The following ESPN variants were observed in gnomAD, a reference collection of about 807,000 sequenced individuals.
The protein encoded by ESPN is autosomal recessive deafness type 36 protein.
In ESPN, 68 loss-of-function variants were observed where a neutral mutation model predicts 77.7. The ratio of observed to expected loss-of-function variants is 0.87; its 90% CI spans 0.72 to 1.07. The LOEUF (loss-of-function observed/expected upper bound fraction) is 1.07. Among genes scored for constraint, ESPN ranks in the 50% least tolerant of loss-of-function variants. ESPN has a pLI of 0.00. For missense variants in ESPN, 1,060 were observed against 1,239.0 expected, an observed-to-expected ratio of 0.86 and a Z score of 2.17; for synonymous variants, 449 against 567.1, an observed-to-expected ratio of 0.79 and a Z score of 2.96.
rs79208864 is a variant in ESPN at position 6,434,063 on chromosome 1, C to T, written c.488+5644C>T. Among the ~76,000 whole-genome samples, 32 of 152,286 alleles carry T rather than the reference C, an allele frequency of 2.1e-4. No individual in the cohort carries two copies. The South Asian group carries it at 6.4e-3, about 31-fold the overall frequency. On this transcript the variant is annotated intron_variant, in intron 2 of 12. Coordinates refer to ENST00000645284, the MANE Select transcript of ESPN (RefSeq NM_031475.3). ...TTATAGGTGCATATGGCACCACACC[C>T]GGCTAATTTTTGTATTATTAGTAGA...
At chr1:6,441,383 C>T (rs1338573015) in intron 5 of ESPN, among the ~76,000 whole-genome samples, 2 of 152,214 alleles carry the variant, frequency 1.3e-5, no homozygotes, top group African/African-American at 4.8e-5. Context: ...TAACTCACAG[C>T]CACCCTCTGC....
rs147364106 is a variant in ESPN, at chr1:6,438,727, C to T, written c.489-1527C>T. ...GAGTCCCAGCCCCACCTGTGAGCCT[C>T]CTCAGCTGCAGCTGCACCATTGACT... is the stretch of plus-strand genomic sequence containing the variant. On this transcript the variant is annotated intron_variant, in intron 2 of 12. Transcript: ENST00000645284. Among the ~76,000 whole-genome samples, 1,099 of 152,386 alleles carry T rather than the reference C, an allele frequency of 7.2e-3. 14 individuals are homozygous for T. Among genetic ancestry groups the T allele is most frequent in the African/African-American group, 0.025 (1,048 of 41,596 alleles).
chr1:6,433,827 A>G (rs1643338568), intron 2 of ESPN, among the ~76,000 whole-genome samples: 1 of 152,108 alleles, frequency 6.6e-6, no homozygotes, highest in Non-Finnish European at 1.5e-5. Context: ...ACCTCACCTC[A>G]GCAAGGCCAA....
Position 6,445,953 on chromosome 1 carries a change from C to G in ESPN, c.1464+18C>G, listed in dbSNP as rs201919218. The G allele has an allele frequency of 1.2e-4, 198 of 1,612,184 alleles. No individual in the cohort carries two copies. Among genetic ancestry groups the G allele is most frequent in the Non-Finnish European group, 1.6e-4 (193 of 1,179,480 alleles). ...AGAAGGAGGTAGTGAGCCCTCACCC[C>G]CTGCCTGCCTCCCAGCAGGGGGACT... On this transcript the variant is annotated intron_variant, in intron 7 of 12. Coordinates refer to ENST00000645284, the MANE Select transcript of ESPN (RefSeq NM_031475.3).
chr1:6,453,601 G>T (rs1345399929), intron 10 of ESPN, among the ~76,000 whole-genome samples: 184 of 143,460 alleles, frequency 1.3e-3, no homozygotes, highest in Non-Finnish European at 1.9e-3. Flanking sequence ...GGGTCGCTGA[G>T]CTGGAGAGAC....
rs1159987259 is a variant in ESPN, at chr1:6,460,008, G to A, written c.2427G>A (p.Glu809=). The change falls in exon 13 of 13, where the codon GAG becomes GAA. Residue 809 remains glutamate, a synonymous_variant. Coordinates refer to ENST00000645284, the MANE Select transcript of ESPN (RefSeq NM_031475.3). The part of the protein sequence containing the change: ...EEEREQKRKE[E]ERQKQEELRR... ...CTCCCCACTGCCTCAGGAAAGAGGAGGAGCGACAGAAGCAGGAGGAGCTGC... is the reference window on the plus strand; with the variant it reads ...CTCCCCACTGCCTCAGGAAAGAGGAAGAGCGACAGAAGCAGGAGGAGCTGC... 1.2e-6 allele frequency: 2 copies of A among 1,613,550 alleles called. No homozygotes were observed. Among genetic ancestry groups the A allele is most frequent in the African/African-American group, 1.3e-5 (1 of 74,930 alleles).
At chr1:6,440,231 C>T (rs535112345) in intron 2 of ESPN, 23 bp from the exon 3 acceptor site, 2 of 1,545,980 alleles carry the variant, frequency 1.3e-6, no homozygotes, top group African/African-American at 1.4e-5. Context: ...TGAAAGCCCA[C>T]GGTGGGCGCT....
At chr1:6,426,715 G>A (rs957599122) in intron 1 of ESPN, among the ~76,000 whole-genome samples, 1 of 152,238 alleles carries the variant, frequency 6.6e-6, no homozygotes, top group African/African-American at 2.4e-5. Flanking sequence ...AAGGCCAATA[G>A]GAAGGGAGCG....
intron 2 of ESPN, 80 bp from the exon 3 acceptor site, chr1:6,440,174 G>T (rs1267219503): frequency 1.9e-5 from 28 of 1,445,742 alleles, no homozygotes; most frequent in Non-Finnish European, 2.6e-5. Flanking sequence ...AGGGCTCCCC[G>T]GGACGGGATG....
chr1:6,451,717 T>A lies in ESPN; in HGVS notation c.2030T>A (p.Val677Glu), dbSNP rs746532571. ...PTPQSKGLTTVFSGIGQPAFQ... is the reference protein window; with the variant it reads ...PTPQSKGLTTEFSGIGQPAFQ... ...CCCCAGAGCAAGGGGCTGACCACAG[T>A]GTTCTCAGGCATCGGGCAGCCGGCC... The change falls in exon 9 of 13, where the codon GTG becomes GAG. Residue 677 changes from valine (V) to glutamate (E), a missense_variant. Coordinates refer to ENST00000645284, the MANE Select transcript of ESPN (RefSeq NM_031475.3). This position sits in a 1 kb window ranked among gnomAD's most constrained non-coding sequence, Gnocchi z 4.3. The A allele has an allele frequency of 1.2e-6, 2 of 1,612,810 alleles. No homozygotes were observed. The highest frequency in any genetic ancestry group is 2.2e-5 in the East Asian group (1 of 44,864).
chr1:6,432,492 C>T lies in ESPN; in HGVS notation c.488+4073C>T, dbSNP rs141474574. Among the ~76,000 whole-genome samples the T allele has an allele frequency of 5.9e-5, 9 of 152,302 alleles. No individual in the cohort carries two copies. In the East Asian group the frequency reaches 1.5e-3, roughly 26 times the overall value. The stretch of plus-strand genomic sequence containing the variant: ...GGGCCTGGTGGAGTCCGGAGCAGCC[C>T]CTCACAGCAGGAGACCATCTCATGT... On this transcript the variant is annotated intron_variant, in intron 2 of 12. Transcript: ENST00000645284.
intron 2 of ESPN, among the ~76,000 whole-genome samples, chr1:6,436,205 G>A (rs1643432806): frequency 6.6e-6 from 1 of 152,088 alleles, no homozygotes; most frequent in African/African-American, 2.4e-5. Context: ...GGAGTCAGAA[G>A]CAGGCTCTGC....
chr1:6,431,933 T>G (rs1643270149), intron 2 of ESPN, among the ~76,000 whole-genome samples: 1 of 152,116 alleles, frequency 6.6e-6, no homozygotes, highest in African/African-American at 2.4e-5. Flanking sequence ...GGTACAGAAA[T>G]GGTGTTTTAG....
intron 5 of ESPN, among the ~76,000 whole-genome samples, chr1:6,441,737 C>T (rs927534793): frequency 6.6e-6 from 1 of 152,186 alleles, no homozygotes; most frequent in African/African-American, 2.4e-5. Flanking sequence ...GCCTCGCAGT[C>T]AACCCGAAAA....
At chr1:6,443,464 G>A (rs2148523783) in intron 5 of ESPN, among the ~76,000 whole-genome samples, 1 of 152,348 alleles carries the variant, frequency 6.6e-6, no homozygotes, top group South Asian at 2.1e-4. Flanking sequence ...CACTGCTGTT[G>A]GCCAGGTAAA....
intron 5 of ESPN, among the ~76,000 whole-genome samples, chr1:6,441,267 G>A (rs1643627904): frequency 6.6e-6 from 1 of 152,172 alleles, no homozygotes; most frequent in Non-Finnish European, 1.5e-5. Flanking sequence ...AAAGAGGACA[G>A]GGAAGACCAG....
chr1:6,459,317 G>A (rs1022871184), intron 12 of ESPN, among the ~76,000 whole-genome samples: 3 of 151,948 alleles, frequency 2.0e-5, no homozygotes, highest in African/African-American at 7.3e-5. Context: ...TGAGGTGGGA[G>A]GATTACGTGA....
chr1:6,456,905 C>G (rs1195230607), intron 10 of ESPN, among the ~76,000 whole-genome samples: 1 of 152,226 alleles, frequency 6.6e-6, no homozygotes, highest in East Asian at 1.9e-4. Context: ...TGCGGGGAAT[C>G]AGGCTCAGGA....
chr1:6,435,362 G>A (rs1325877780), intron 2 of ESPN, among the ~76,000 whole-genome samples: 6 of 152,216 alleles, frequency 3.9e-5, no homozygotes, highest in Admixed American at 2.0e-4. Context: ...CTGCGGCGGC[G>A]CTGGCAGTCA....
Sources: allele counts gnomAD v4.1 joint callset (sites outside exome capture counted in the v4.1 genomes callset), GRCh38; gene constraint gnomAD v4.1.1; non-coding constraint Gnocchi (gnomAD v3.1); transcripts MANE v1.5; gene names NCBI Gene and HGNC (gene_info 2026-07-23, HGNC 2026-07-21).